The following PTPRD variants were observed in gnomAD, a reference collection of about 807,000 sequenced individuals.
The protein encoded by PTPRD is receptor-type tyrosine-protein phosphatase delta.
In PTPRD, 34 loss-of-function variants were observed where a neutral mutation model predicts 214.5. The observed-to-expected ratio is 0.16, with a 90% confidence interval of 0.12 to 0.21. The LOEUF (loss-of-function observed/expected upper bound fraction) is 0.21. Ranked by LOEUF, PTPRD falls within the 10% of genes least tolerant of loss-of-function variation. PTPRD has a pLI of 1.00. For missense variants in PTPRD, 2,545 were observed against 2,398.7 expected (o/e 1.06, Z -1.27); for synonymous variants, 1,128 against 845.7 (o/e 1.33, Z -5.79).
At chr9:9,605,150 C>T (rs1351261388) in intron 7 of PTPRD, among the ~76,000 whole-genome samples, 1 of 152,164 alleles carries the variant, frequency 6.6e-6, no homozygotes, top group African/African-American at 2.4e-5. Flanking sequence ...TGGAACATTA[C>T]CATTATTCCC....
In PTPRD at chr9:10,533,131, C is replaced by T. The variant is rs541698933; in HGVS notation, c.-600+79267G>A. 5.5e-4 allele frequency among the ~76,000 whole-genome samples: 83 copies of T among 152,240 alleles called. No homozygotes were observed. The South Asian group carries it at 0.011, about 21-fold the overall frequency. On this transcript the variant is annotated intron_variant, in intron 2 of 45. Coordinates refer to ENST00000381196, the MANE Select transcript of PTPRD (RefSeq NM_002839.4). Reference sequence around the variant, plus strand: ...TTTCTCTCTTGCTTCCTCTCTCCTACATGATCTCTTTGCATACACAGGTTC... The same window carrying T: ...TTTCTCTCTTGCTTCCTCTCTCCTATATGATCTCTTTGCATACACAGGTTC...
intron 6 of PTPRD, among the ~76,000 whole-genome samples, chr9:9,756,889 T>C (rs1282584074): frequency 6.6e-6 from 1 of 152,218 alleles, no homozygotes; most frequent in Admixed American, 6.5e-5. Context: ...GCAGAAGTTT[T>C]CAATGTCTTT....
chr9:9,226,502 C>A (rs1255065049), intron 9 of PTPRD, among the ~76,000 whole-genome samples: 9 of 151,518 alleles, frequency 5.9e-5, no homozygotes, highest in Non-Finnish European at 8.8e-5. Context: ...AGGGTATGGG[C>A]AGAAGGTGAC....
chr9:9,754,584 C>T (rs1421338291), intron 6 of PTPRD, among the ~76,000 whole-genome samples: 1 of 151,988 alleles, frequency 6.6e-6, no homozygotes, highest in African/African-American at 2.4e-5. Flanking sequence ...ATATATATTA[C>T]ACAATATTAT....
In PTPRD at chr9:10,298,706, G is replaced by T. The variant is rs532977855; in HGVS notation, c.-545+42257C>A. On this transcript the variant is annotated intron_variant, in intron 3 of 45. Coordinates refer to ENST00000381196, the MANE Select transcript of PTPRD (RefSeq NM_002839.4). Reference sequence around the variant, plus strand: ...ATATACATATATAATATATACACAGGTATGTATATATTTAGCACAGTCTGA... The same window carrying T: ...ATATACATATATAATATATACACAGTTATGTATATATTTAGCACAGTCTGA... Among the ~76,000 whole-genome samples, 6 of 151,718 alleles carry T rather than the reference G, an allele frequency of 4.0e-5. No individual in the cohort carries two copies. The East Asian group carries it at 1.2e-3, about 29-fold the overall frequency.
In PTPRD at chr9:9,788,667, GA is replaced by G. The variant is rs548169629; in HGVS notation, c.-367-21817del. Among the ~76,000 whole-genome samples, 417 of 151,184 alleles carry G rather than the reference GA, an allele frequency of 2.8e-3. 2 individuals are homozygous for G. The highest frequency in any genetic ancestry group is 9.7e-3 in the African/African-American group (401 of 41,176). ...TATATAATATTAATCTGATACAAAA[GA>G]AAAAAATGTTTAAAGGGGGAGAAGT... is the stretch of plus-strand genomic sequence containing the variant. On this transcript the variant is annotated intron_variant, in intron 5 of 45. Coordinates refer to ENST00000381196, the MANE Select transcript of PTPRD (RefSeq NM_002839.4).
chr9:9,523,723 C>G (rs2097050514), intron 8 of PTPRD, among the ~76,000 whole-genome samples: 1 of 152,148 alleles, frequency 6.6e-6, no homozygotes, highest in Non-Finnish European at 1.5e-5. Context: ...TATCTTCAAC[C>G]TCTGAGACAG....
rs146521878 is a variant in PTPRD, at chr9:8,786,760, G to T, written c.-103-52814C>A. On this transcript the variant is annotated intron_variant, in intron 11 of 45. Coordinates refer to ENST00000381196, the MANE Select transcript of PTPRD (RefSeq NM_002839.4). ...CTGAATCCTCAGGGAAAAAAAAGGT[G>T]GGGGGGCGGGGGGCGAGGGGTGTAT... Among the ~76,000 whole-genome samples, 356 of 151,420 alleles carry T rather than the reference G, an allele frequency of 2.4e-3. 2 individuals are homozygous for T. Among genetic ancestry groups the T allele is most frequent in the African/African-American group, 8.2e-3 (340 of 41,338 alleles).
intron 11 of PTPRD, among the ~76,000 whole-genome samples, chr9:8,738,443 T>C (rs527444641): frequency 6.6e-6 from 1 of 152,218 alleles, no homozygotes; most frequent in South Asian, 2.1e-4. Flanking sequence ...AACTAGGGCC[T>C]AGAGTCCCTT....
intron 8 of PTPRD, among the ~76,000 whole-genome samples, chr9:9,466,354 C>T (rs1342158045): frequency 6.6e-6 from 1 of 152,052 alleles, no homozygotes; most frequent in Non-Finnish European, 1.5e-5. Flanking sequence ...TTATCTTCTT[C>T]CCAGATCAGT....
At chr9:9,771,147 A>G (rs1297880793) in intron 5 of PTPRD, among the ~76,000 whole-genome samples, 2 of 152,136 alleles carry the variant, frequency 1.3e-5, no homozygotes, top group African/African-American at 4.8e-5. Context: ...GTTGCTCAAG[A>G]TTATGTTCTT....
chr9:9,875,606 T>A (rs1175368762), intron 5 of PTPRD, among the ~76,000 whole-genome samples: 3 of 152,112 alleles, frequency 2.0e-5, no homozygotes, highest in African/African-American at 7.2e-5. Context: ...ATCTAACTAA[T>A]AGAATTATTG....
At chr9:9,849,482 A>T (rs1404343400) in intron 5 of PTPRD, among the ~76,000 whole-genome samples, 1 of 152,132 alleles carries the variant, frequency 6.6e-6, no homozygotes, top group African/African-American at 2.4e-5. Flanking sequence ...TATATTCTTA[A>T]ATTTATATAT....
At chr9:9,267,795 C>CAA (rs34612280) in intron 9 of PTPRD, among the ~76,000 whole-genome samples, 31 of 148,196 alleles carry the variant, frequency 2.1e-4, no homozygotes, top group Admixed American at 4.0e-4. Flanking sequence ...TTTCAATAGA[C>CAA]AAAAAAAAAG....
Position 10,575,488 on chromosome 9 carries a change from G to A in PTPRD, c.-600+36910C>T, listed in dbSNP as rs568511959. On this transcript the variant is annotated intron_variant, in intron 2 of 45. Coordinates refer to ENST00000381196, the MANE Select transcript of PTPRD (RefSeq NM_002839.4). ...GCAAAACACCAGTGTCTTTGTTTAT[G>A]ATCTAGAAATTAACTGTGCACATTC... 9.2e-5 allele frequency among the ~76,000 whole-genome samples: 14 copies of A among 152,130 alleles called. 1 individual carries two copies. In the South Asian group the frequency reaches 2.1e-3, roughly 23 times the overall value.
intron 3 of PTPRD, among the ~76,000 whole-genome samples, chr9:10,305,041 T>C (rs1175222746): frequency 6.6e-6 from 1 of 152,102 alleles, no homozygotes; most frequent in Non-Finnish European, 1.5e-5. Context: ...AGCATGGTAC[T>C]AGTACCAAAA....
chr9:9,289,019 T>A (rs1480851440), intron 9 of PTPRD, among the ~76,000 whole-genome samples: 1 of 151,874 alleles, frequency 6.6e-6, no homozygotes, highest in African/African-American at 2.4e-5. Context: ...CTTTTCTTTA[T>A]AAATTATCCA....
chr9:9,037,199 T>C (rs1163301355), intron 10 of PTPRD, among the ~76,000 whole-genome samples: 1 of 151,850 alleles, frequency 6.6e-6, no homozygotes, highest in Non-Finnish European at 1.5e-5. Flanking sequence ...AATGTGGGAG[T>C]TGGAAAGGAT....
chr9:10,292,445 C>T (rs2095553895), intron 3 of PTPRD, among the ~76,000 whole-genome samples: 1 of 151,932 alleles, frequency 6.6e-6, no homozygotes, highest in South Asian at 2.1e-4. Flanking sequence ...TCTCATTTCT[C>T]TTGGAATAAA....
Sources: gnomAD v4.1 joint callset for allele counts (sites outside exome capture counted in the v4.1 genomes callset) on GRCh38, gnomAD v4.1.1 for gene constraint, MANE v1.5 for transcripts, NCBI Gene and HGNC (gene_info 2026-07-23, HGNC 2026-07-21) for gene names.